The following POC1B variants were observed in gnomAD, a reference collection of about 807,000 sequenced individuals.
POC1B encodes POC1 centriolar protein homolog B.
In POC1B, 44 loss-of-function variants were observed where a neutral mutation model predicts 60.6. That is an observed-to-expected ratio of 0.73 (90% CI 0.57 to 0.93). The LOEUF (loss-of-function observed/expected upper bound fraction) is 0.93, where lower values mean the gene tolerates loss of function less well. Among genes scored for constraint, POC1B ranks in the 40% least tolerant of loss-of-function variants. The pLI is 0.00. For missense variants in POC1B, 555 were observed against 572.3 expected, an observed-to-expected ratio of 0.97 and a Z score of 0.31; for synonymous variants, 180 against 198.9, an observed-to-expected ratio of 0.90 and a Z score of 0.80.
downstream of POC1B, among the ~76,000 whole-genome samples, chr12:89,415,940 G>A (rs767495911): frequency 6.6e-6 from 1 of 152,298 alleles, no homozygotes; most frequent in East Asian, 1.9e-4. Context: ...CCCAAATATC[G>A]AGTGTCTAAA....
intron 10 of POC1B, among the ~76,000 whole-genome samples, chr12:89,440,063 C>T (rs1469014918): frequency 6.6e-6 from 1 of 152,172 alleles, no homozygotes; most frequent in Non-Finnish European, 1.5e-5. Context: ...TCCCCCATCC[C>T]CAGCTCCTAC....
downstream of POC1B, among the ~76,000 whole-genome samples, chr12:89,417,782 T>C (rs1592570369): frequency 6.6e-6 from 1 of 152,306 alleles, no homozygotes; most frequent in South Asian, 2.1e-4. Flanking sequence ...GCTCCTTTGG[T>C]GTTTTTCCCC....
At chr12:89,406,867 C>A in the POC1B span, among the ~76,000 whole-genome samples, 2 of 151,758 alleles carry the variant, frequency 1.3e-5, no homozygotes, top group Non-Finnish European at 1.5e-5. Context: ...AAATCTAGGC[C>A]GGGCACAGTG....
At chr12:89,425,113 G>T in intron 11 of POC1B, 48 bp downstream of exon 11, 1 of 1,575,872 alleles carries the variant, frequency 6.3e-7, no homozygotes, top group Non-Finnish European at 8.7e-7. Flanking sequence ...GAATTGTTTT[G>T]TGTATTTTAC....
At chr12:89,483,984 T>G (rs922842114) in intron 4 of POC1B, among the ~76,000 whole-genome samples, 6 of 152,244 alleles carry the variant, frequency 3.9e-5, no homozygotes, top group African/African-American at 1.2e-4. Flanking sequence ...TTACGCCATA[T>G]GCAGGTGTAA....
Position 89,459,706 on chromosome 12 carries a change from G to T in POC1B, c.1045C>A (p.Leu349Ile), listed in dbSNP as rs1454567430. ...GAGATCTGCAAATCGATTACCTCAAGCTTTGGATTAATCTGTGTATATACA... is the reference window on the plus strand; with the variant it reads ...GAGATCTGCAAATCGATTACCTCAATCTTTGGATTAATCTGTGTATATACA... The part of the protein sequence containing the change: ...KVETVEINPK[L>I]EVIDLQISTP... The change falls in exon 10 of 12, where the codon CTT becomes ATT. Residue 349 changes from leucine to isoleucine, a missense_variant. Leu to Ile is a conservative substitution (Grantham distance 5). Transcript: ENST00000313546. 6.5e-7 allele frequency: 1 copy of T among 1,538,566 alleles called. No homozygotes were observed. Among genetic ancestry groups the T allele is most frequent in the East Asian group, 2.3e-5 (1 of 42,716 alleles).
rs759962945 is a variant in POC1B at position 89,491,946 on chromosome 12, G to A, written c.442C>T (p.Arg148Cys). 1.7e-5 allele frequency: 26 copies of A among 1,542,846 alleles called. No homozygotes were observed. Among genetic ancestry groups the A allele is most frequent in the East Asian group, 9.2e-5 (4 of 43,346 alleles). The change falls in exon 4 of 12, where the codon CGC becomes TGC. Residue 148 changes from arginine to cysteine, a missense_variant. Physicochemically the swap from Arg to Cys is radical, Grantham distance 180. Coordinates refer to ENST00000313546, the MANE Select transcript of POC1B (RefSeq NM_172240.3). ...ATTTTTTGCACTTACTTGGCACAGCGTACCCAGTGTGTATGTCGATACAAG... is the reference window on the plus strand; with the variant it reads ...ATTTTTTGCACTTACTTGGCACAGCATACCCAGTGTGTATGTCGATACAAG... ...YSLYRHTHWVRCAKFSPDGRL... is the reference protein window; with the variant it reads ...YSLYRHTHWVCCAKFSPDGRL...
chr12:89,460,362 G>C (rs556021821), intron 9 of POC1B, among the ~76,000 whole-genome samples: 1 of 152,076 alleles, frequency 6.6e-6, no homozygotes, highest in African/African-American at 2.4e-5. Flanking sequence ...GCTCAAATAA[G>C]TAGAAACTGT....
rs1452638520 is a variant in POC1B, at chr12:89,524,081, T to C, written c.100+1039A>G. On this transcript the variant is annotated intron_variant, in intron 2 of 11. Transcript: ENST00000313546. ...ACTGCAGGAGAAGTTTCTAAAACAC[T>C]GTGAATGGTACGGAGCAAAGTCGAC... The C allele has an allele frequency of 4.3e-6, 7 of 1,613,890 alleles. No homozygotes were observed. The Middle Eastern group carries it at 5.0e-4, about 114-fold the overall frequency.
intron 4 of POC1B, 103 bp downstream of exon 4, chr12:89,491,833 T>C (rs1417492547): frequency 2.1e-6 from 2 of 932,344 alleles, no homozygotes; most frequent in Non-Finnish European, 3.1e-6. Flanking sequence ...ATCTGTTGAA[T>C]GAATGAATGA....
intron 6 of POC1B, 58 bp downstream of exon 6, chr12:89,471,556 C>A: frequency 7.5e-7 from 1 of 1,329,718 alleles, no homozygotes; most frequent in Non-Finnish European, 1.1e-6. Flanking sequence ...CAAGGAGAAT[C>A]AGTCCTTCCA....
chr12:89,513,533 C>A (rs1012469079), intron 2 of POC1B, among the ~76,000 whole-genome samples: 5 of 152,208 alleles, frequency 3.3e-5, no homozygotes, highest in Admixed American at 2.6e-4. Flanking sequence ...TCTGCAAACC[C>A]TGTGAAAATA....
At chr12:89,502,141 G>A (rs995756865) in intron 2 of POC1B, 1 of 1,205,380 alleles carries the variant, frequency 8.3e-7, no homozygotes, top group African/African-American at 1.5e-5. Context: ...TAAGACTTCA[G>A]TTTTAGAGGA....
At chr12:89,467,798 A>G in intron 7 of POC1B, 113 bp from the exon 8 acceptor site, 1 of 686,864 alleles carries the variant, frequency 1.5e-6, no homozygotes, top group South Asian at 2.3e-5. Flanking sequence ...CTCATGCAAT[A>G]AGTCTAATAA....
intron 2 of POC1B, chr12:89,521,916 A>T (rs1870912357): frequency 2.5e-6 from 1 of 398,376 alleles, no homozygotes. Flanking sequence ...TAATAAACAT[A>T]GTTGGGTTTA....
intron 4 of POC1B, among the ~76,000 whole-genome samples, chr12:89,490,334 T>C (rs569671280): frequency 6.7e-6 from 1 of 150,274 alleles, no homozygotes; most frequent in East Asian, 1.9e-4. Flanking sequence ...TTTGTTGTTG[T>C]TGTTGTTTGT....
At position 89,525,212 on chromosome 12, in the gene POC1B, G is replaced by A. The variant is rs1328001397; in HGVS notation, c.16-8C>T. ...CTCCAGAACGGGGTCCTCCTGGAAA[G>A]GAAAGTTGTCAAGTTTTGAAAGCCG... On this transcript the variant is annotated splice_region_variant and splice_polypyrimidine_tract_variant and intron_variant, in intron 1 of 11. Transcript: ENST00000313546. 6.2e-7 allele frequency: 1 copy of A among 1,604,204 alleles called. No homozygotes were observed. Among genetic ancestry groups the A allele is most frequent in the Non-Finnish European group, 8.5e-7 (1 of 1,175,414 alleles).
chr12:89,507,338 C>T (rs889310200), intron 2 of POC1B, among the ~76,000 whole-genome samples: 2 of 146,768 alleles, frequency 1.4e-5, no homozygotes, highest in Non-Finnish European at 3.0e-5. Context: ...CCTTAACCTT[C>T]TTTCTTAGGA....
rs770428926 is a variant in POC1B at position 89,439,744 on chromosome 12, C to T, written c.1114-14365G>A. The stretch of plus-strand genomic sequence containing the variant: ...TCAGCCTCCTGAGTAGCTGGGATTA[C>T]ATGCATGTACAACCATGCCTGGCTA... On this transcript the variant is annotated intron_variant, in intron 10 of 11. Transcript: ENST00000313546. Among the ~76,000 whole-genome samples, 193 of 152,232 alleles carry T rather than the reference C, an allele frequency of 1.3e-3. 3 individuals are homozygous for T. In the Middle Eastern group the frequency reaches 0.017, roughly 13 times the overall value.
Sources: gnomAD v4.1 joint callset for allele counts (sites outside exome capture counted in the v4.1 genomes callset) on GRCh38, gnomAD v4.1.1 for gene constraint, MANE v1.5 for transcripts, NCBI Gene and HGNC (gene_info 2026-07-23, HGNC 2026-07-21) for gene names.